The following MYO1D variants were observed in gnomAD, a reference collection of about 807,000 sequenced individuals.
The protein encoded by MYO1D is myosin ID, also known as unconventional myosin-Id.
MYO1D carries 83 observed loss-of-function variants against 122.0 expected under a neutral mutation model. The ratio of observed to expected loss-of-function variants is 0.68; its 90% CI spans 0.57 to 0.82. The LOEUF is 0.82. Ranked by LOEUF, MYO1D falls within the 40% of genes least tolerant of loss-of-function variation. The pLI, the probability that MYO1D is intolerant of heterozygous loss-of-function variation, is 0.00. For missense variants in MYO1D, 1,157 were observed against 1,269.5 expected (o/e 0.91, Z 1.35); for synonymous variants, 464 against 446.9 (o/e 1.04, Z -0.48).
At chr17:32,671,962 C>G (rs914440413) in intron 16 of MYO1D, among the ~76,000 whole-genome samples, 1 of 152,168 alleles carries the variant, frequency 6.6e-6, no homozygotes, top group African/African-American at 2.4e-5. Context: ...AACATATTAT[C>G]TATCCTGACC....
chr17:32,580,787 A>G (rs1428820306), intron 21 of MYO1D, among the ~76,000 whole-genome samples: 3 of 152,146 alleles, frequency 2.0e-5, no homozygotes, highest in African/African-American at 7.2e-5. Flanking sequence ...CTTGGTCACA[A>G]TGTATTATCC....
intron 21 of MYO1D, among the ~76,000 whole-genome samples, chr17:32,502,639 T>G (rs575167704): frequency 1.3e-4 from 20 of 152,338 alleles, no homozygotes; most frequent in African/African-American, 3.4e-4. Context: ...TCTCCTCATC[T>G]CAAGTTTAGC....
At chr17:32,757,093 C>T (rs954936976) in intron 10 of MYO1D, among the ~76,000 whole-genome samples, 1 of 152,094 alleles carries the variant, frequency 6.6e-6, no homozygotes, top group African/African-American at 2.4e-5. Context: ...TCATAATAGA[C>T]CATTCAAGTG....
At chr17:32,721,273 G>A in intron 14 of MYO1D, 84 bp from the exon 15 acceptor site, 1 of 1,311,466 alleles carries the variant, frequency 7.6e-7, no homozygotes, top group East Asian at 2.3e-5. Flanking sequence ...AGTGTTAATT[G>A]TGTCAAGTTA....
chr17:32,765,380 A>G (rs2151019372), intron 7 of MYO1D, among the ~76,000 whole-genome samples: 1 of 151,566 alleles, frequency 6.6e-6, no homozygotes, highest in South Asian at 2.1e-4. Context: ...GACCATTCCT[A>G]CTCCAAAGGG....
chr17:32,596,075 G>C (rs542242608), intron 21 of MYO1D, among the ~76,000 whole-genome samples: 62 of 152,218 alleles, frequency 4.1e-4, no homozygotes, highest in African/African-American at 1.4e-3. Context: ...GTGAATTGTG[G>C]CCACTCACTT....
chr17:32,618,540 G>A (rs1414079037), intron 20 of MYO1D, among the ~76,000 whole-genome samples: 1 of 152,078 alleles, frequency 6.6e-6, no homozygotes, highest in African/African-American at 2.4e-5. Flanking sequence ...CATCACAGTG[G>A]ATTTGGTACT....
chr17:32,538,765 C>T (rs535245633), intron 21 of MYO1D, among the ~76,000 whole-genome samples: 91 of 152,126 alleles, frequency 6.0e-4, no homozygotes, highest in Middle Eastern at 3.4e-3. Flanking sequence ...ACTATGCAGC[C>T]GTAAAAACGA....
At chr17:32,627,267 C>T (rs370340690) in intron 20 of MYO1D, among the ~76,000 whole-genome samples, 3 of 152,052 alleles carry the variant, frequency 2.0e-5, no homozygotes, top group South Asian at 2.1e-4. Context: ...GAGGGAGGGC[C>T]GAGGGAGTGA....
chr17:32,583,020 T>C (rs559011028), intron 21 of MYO1D, among the ~76,000 whole-genome samples: 1 of 152,366 alleles, frequency 6.6e-6, no homozygotes, highest in South Asian at 2.1e-4. Context: ...TTCCATGTAG[T>C]ATATTTTTAT....
chr17:32,613,591 T>A (rs1262315828), intron 20 of MYO1D, among the ~76,000 whole-genome samples: 2 of 151,838 alleles, frequency 1.3e-5, no homozygotes, highest in African/African-American at 2.4e-5. Flanking sequence ...CTAGCCAACA[T>A]GGTGAAACTC....
chr17:32,850,846 CTCTG>C (rs1037390139), intron 1 of MYO1D, among the ~76,000 whole-genome samples: 7 of 152,256 alleles, frequency 4.6e-5, no homozygotes, highest in African/African-American at 1.7e-4. Context: ...GGGAGTCAAT[CTCTG>C]TCTCTTTTTT....
At chr17:32,746,388 C>T (rs2089838881) in intron 12 of MYO1D, among the ~76,000 whole-genome samples, 1 of 152,200 alleles carries the variant, frequency 6.6e-6, no homozygotes, top group Non-Finnish European at 1.5e-5. Context: ...GCACCCTTCC[C>T]ACTTCTTCCT....
chr17:32,770,348 A>G (rs2090100885), intron 6 of MYO1D, among the ~76,000 whole-genome samples: 1 of 152,072 alleles, frequency 6.6e-6, no homozygotes, highest in Admixed American at 6.6e-5. Flanking sequence ...TTGATGTAGA[A>G]TTTTTTTAAA....
intron 14 of MYO1D, among the ~76,000 whole-genome samples, chr17:32,731,596 G>A (rs1598047829): frequency 6.6e-6 from 1 of 152,180 alleles, no homozygotes; most frequent in Admixed American, 6.5e-5. Context: ...TTAAGGTCTG[G>A]TATTGGTGGC....
intron 20 of MYO1D, among the ~76,000 whole-genome samples, chr17:32,624,877 G>A (rs1441916045): frequency 1.3e-5 from 2 of 150,146 alleles, no homozygotes; most frequent in African/African-American, 4.9e-5. Context: ...TGCAACCTCC[G>A]CCTCCCGGGT....
chr17:32,584,590 C>A (rs574602399), intron 21 of MYO1D, among the ~76,000 whole-genome samples: 11 of 152,056 alleles, frequency 7.2e-5, no homozygotes, highest in African/African-American at 2.7e-4. Context: ...TCAAGTGATC[C>A]TCCTGCCTGC....
chr17:32,643,814 C>T (rs1466956518), intron 19 of MYO1D, among the ~76,000 whole-genome samples: 3 of 151,960 alleles, frequency 2.0e-5, no homozygotes, highest in East Asian at 1.9e-4. Flanking sequence ...TCTCTCTTTT[C>T]TTCTTTATGA....
rs1197737296 is a variant in MYO1D, at chr17:32,738,260, G to T, written c.1739C>A (p.Ala580Glu). The T allele has an allele frequency of 6.3e-6, 10 of 1,594,748 alleles. No individual in the cohort carries two copies. The highest frequency in any genetic ancestry group is 7.7e-6 in the Non-Finnish European group (9 of 1,172,370). ...NSMIALVDNL[A>E]SKEPYYVRCI... ...AGAAAAGAAAATAATTACCTTTGATGCAAGGTTGTCTACTAGAGCAATCAT... is the reference window on the plus strand; with the variant it reads ...AGAAAAGAAAATAATTACCTTTGATTCAAGGTTGTCTACTAGAGCAATCAT... Residue 580 changes from alanine (A) to glutamate (E), a missense_variant, in exon 14 of 22, where the codon GCA becomes GAA. Transcript: ENST00000318217.
Sources: allele counts gnomAD v4.1 joint callset (sites outside exome capture counted in the v4.1 genomes callset), GRCh38; gene constraint gnomAD v4.1.1; transcripts MANE v1.5; gene names NCBI Gene and HGNC (gene_info 2026-07-23, HGNC 2026-07-21).